YIPF4: variants seen among roughly 807,000 people sequenced by gnomAD.
The protein encoded by YIPF4 is protein YIPF4.
In YIPF4, 18 loss-of-function variants were observed where a neutral mutation model predicts 29.4. That is an observed-to-expected ratio of 0.61 (90% confidence interval 0.42 to 0.91). YIPF4 has a LOEUF of 0.91. Ranked by LOEUF, YIPF4 falls within the 40% of genes least tolerant of loss-of-function variation. YIPF4 has a pLI of 0.00. For synonymous variants in YIPF4, 115 were observed against 104.7 expected (o/e 1.10, Z -0.60); for missense variants, 279 against 282.7 (o/e 0.99, Z 0.09).
At chr2:32,286,906 G>A (rs2030700171) in intron 1 of YIPF4, among the ~76,000 whole-genome samples, 1 of 152,162 alleles carries the variant, frequency 6.6e-6, no homozygotes, top group Non-Finnish European at 1.5e-5. Flanking sequence ...TTATGCACAT[G>A]CATTAGTTTC....
Position 32,278,102 on chromosome 2 carries a change from G to A in YIPF4, c.-54G>A. ...GGGTCGCCGCCGCGGCCGCCTCGGG[G>A]TCTGGGCCCAGCCGCAGCCTCTTCT... On this transcript the variant is annotated 5_prime_UTR_variant, in exon 1 of 6. Transcript: ENST00000238831. The A allele has an allele frequency of 6.6e-7, 1 of 1,506,322 alleles. No individual in the cohort carries two copies. The highest frequency in any genetic ancestry group is 8.9e-7 in the Non-Finnish European group (1 of 1,117,936). The allele number at this position is 1,506,322 out of a possible 1,614,324, so 93.3% of individuals were successfully genotyped here.
chr2:32,294,251 G>A (rs1305394186), intron 3 of YIPF4, among the ~76,000 whole-genome samples: 4 of 151,130 alleles, frequency 2.6e-5, no homozygotes, highest in Non-Finnish European at 5.9e-5. Flanking sequence ...CTGGGCGGAG[G>A]GGCTCCTCAC....
rs538192346 is a variant in YIPF4, at chr2:32,298,204, A to T, written c.406-30A>T. The stretch of plus-strand genomic sequence containing the variant: ...AAATTATCATCTTATTTGGTATAAA[A>T]ATATTAATTGCATGATTTTTCCCCC... On this transcript the variant is annotated intron_variant, in intron 3 of 5. Coordinates refer to ENST00000238831, the MANE Select transcript of YIPF4 (RefSeq NM_032312.4). 1.1e-5 allele frequency: 16 copies of T among 1,505,602 alleles called. No individual in the cohort carries two copies. In the South Asian group the frequency reaches 1.7e-4, roughly 16 times the overall value. The allele number at this position is 1,505,602 out of a possible 1,614,324, so 93.3% of individuals were successfully genotyped here. A position where few individuals can be genotyped will look rare whatever the true frequency, so the allele number is the denominator to read the frequency against.
At position 32,316,335 on chromosome 2, in the gene YIPF4, A is replaced by G. The variant is rs1329497984; in HGVS notation, c.*10709A>G. On this transcript the variant is annotated 3_prime_UTR_variant, in exon 6 of 6. Transcript: ENST00000238831. ...TCAGCAATTCAAGGGGAGGGTAAAA[A>G]GACCAACTAATATATGTAAAGATGC... is the stretch of plus-strand genomic sequence containing the variant. 6.6e-6 allele frequency: 1 copy of G among 152,246 alleles called. No homozygotes were observed. The highest frequency in any genetic ancestry group is 1.5e-5 in the Non-Finnish European group (1 of 68,044). The allele number at this position is 152,246 out of a possible 1,614,324, so 9.4% of individuals were successfully genotyped here. A position where few individuals can be genotyped will look rare whatever the true frequency, so the allele number is the denominator to read the frequency against.
rs1409259646 is a variant in YIPF4, at chr2:32,306,949, T to A, written c.*1323T>A. ...ATATCCAGCACCTCTGAAGCAAACCTACAAATGAGTGTGTTATCAAGCCCA... is the reference window on the plus strand; with the variant it reads ...ATATCCAGCACCTCTGAAGCAAACCAACAAATGAGTGTGTTATCAAGCCCA... On this transcript the variant is annotated 3_prime_UTR_variant, in exon 6 of 6. Transcript: ENST00000238831. The A allele has an allele frequency of 2.5e-6, 1 of 402,050 alleles. No homozygotes were observed. The highest frequency in any genetic ancestry group is 4.6e-5 in the Admixed American group (1 of 21,626). 24.9% of individuals were successfully genotyped at this position (402,050 alleles called of 1,614,324 possible).
intron 2 of YIPF4, chr2:32,291,046 G>C (rs139333143): frequency 0.012 from 1,872 of 152,450 alleles, 24 homozygotes; most frequent in Non-Finnish European, 0.016. Context: ...TGGGAGGAGA[G>C]CTACATATAA....
Position 32,308,766 on chromosome 2 carries a change from G to A in YIPF4, c.*3140G>A, listed in dbSNP as rs112218372. On this transcript the variant is annotated 3_prime_UTR_variant, in exon 6 of 6. Coordinates refer to ENST00000238831, the MANE Select transcript of YIPF4 (RefSeq NM_032312.4). ...CAAAACAAAAAAACAGAACTGGGCC[G>A]GGCGCGGTGGCTCACGCCTGTAATC... is the stretch of plus-strand genomic sequence containing the variant. The A allele has an allele frequency of 5.2e-3, 788 of 152,000 alleles. 5 individuals carry two copies. Among genetic ancestry groups the A allele is most frequent in the African/African-American group, 0.018 (742 of 41,278 alleles). The allele number at this position is 152,000 out of a possible 1,614,324, so 9.4% of individuals were successfully genotyped here.
chr2:32,286,447 A>G (rs1372804061), intron 1 of YIPF4, among the ~76,000 whole-genome samples: 1 of 152,214 alleles, frequency 6.6e-6, no homozygotes, highest in Admixed American at 6.5e-5. Flanking sequence ...CAGTATGAAA[A>G]TTTACCTATA....
Position 32,298,219 on chromosome 2 carries a change from ATTTTT to A in YIPF4, c.406-14_406-10del, listed in dbSNP as rs2031267165. The A allele has an allele frequency of 6.4e-7, 1 of 1,571,330 alleles. No individual in the cohort carries two copies. The highest frequency in any genetic ancestry group is 8.7e-7 in the Non-Finnish European group (1 of 1,149,872). ...TTGGTATAAAAATATTAATTGCATG[ATTTTT>A]CCCCCTAAGGTGGTCTCATGGATTA... On this transcript the variant is annotated splice_polypyrimidine_tract_variant and intron_variant, in intron 3 of 5. Coordinates refer to ENST00000238831, the MANE Select transcript of YIPF4 (RefSeq NM_032312.4).
rs1057340784 is a variant in YIPF4 at position 32,307,952 on chromosome 2, AAAC to A, written c.*2327_*2329del. ...TCAAAAAAAAAAAAAAAAAAAAAAA[AAAC>A]CATGATTTGTAGATGTGTGCAAGAC... On this transcript the variant is annotated 3_prime_UTR_variant, in exon 6 of 6. Coordinates refer to ENST00000238831, the MANE Select transcript of YIPF4 (RefSeq NM_032312.4). 6.7e-5 allele frequency: 10 copies of A among 150,032 alleles called. No homozygotes were observed. The highest frequency in any genetic ancestry group is 2.0e-4 in the African/African-American group (8 of 39,908). The allele number at this position is 150,032 out of a possible 1,614,324, so 9.3% of individuals were successfully genotyped here. A position where few individuals can be genotyped will look rare whatever the true frequency, so the allele number is the denominator to read the frequency against.
intron 4 of YIPF4, 34 bp from the exon 5 acceptor site, chr2:32,301,348 A>C (rs1410355411): frequency 7.4e-7 from 1 of 1,343,182 alleles, no homozygotes; most frequent in South Asian, 1.2e-5. Flanking sequence ...TCTTGATTTC[A>C]ATGATATTTA....
intron 5 of YIPF4, 103 bp downstream of exon 5, chr2:32,301,598 AGTTG>A: frequency 1.4e-6 from 1 of 717,200 alleles, no homozygotes; most frequent in South Asian, 2.4e-5. Flanking sequence ...TTTATCAAAC[AGTTG>A]GTAGTATTTT....
rs1338095312 is a variant in YIPF4 at position 32,293,416 on chromosome 2, C to T, written c.405+1068C>T. Among the ~76,000 whole-genome samples, 4 of 152,324 alleles carry T rather than the reference C, an allele frequency of 2.6e-5. No homozygotes were observed. The East Asian group carries it at 5.8e-4, about 22-fold the overall frequency. ...GAGCACAGGTTTGGGGGTAAGGTCC[C>T]AGATCAACAGGATCCCAAGGCAGAA... On this transcript the variant is annotated intron_variant, in intron 3 of 5. Transcript: ENST00000238831.
intron 1 of YIPF4, among the ~76,000 whole-genome samples, chr2:32,284,818 A>G (rs980191481): frequency 2.0e-5 from 3 of 152,198 alleles, no homozygotes; most frequent in African/African-American, 7.2e-5. Flanking sequence ...AGGTTCATTC[A>G]GAGAAATGAG....
In YIPF4 at chr2:32,312,519, A is replaced by T. The variant is rs915392829; in HGVS notation, c.*6893A>T. 2 of 142,862 alleles carry T rather than the reference A, an allele frequency of 1.4e-5. No homozygotes were observed. Among genetic ancestry groups the T allele is most frequent in the East Asian group, 2.0e-4 (1 of 4,932 alleles). 8.8% of individuals were successfully genotyped at this position (142,862 alleles called of 1,614,324 possible). A position where few individuals can be genotyped will look rare whatever the true frequency, so the allele number is the denominator to read the frequency against. On this transcript the variant is annotated 3_prime_UTR_variant, in exon 6 of 6. Coordinates refer to ENST00000238831, the MANE Select transcript of YIPF4 (RefSeq NM_032312.4). ...AAAAAAAAAAAAAAAAAAAAAAAAA[A>T]TTATTTTCAAAGGATTGTGCTAGTG...
intron 1 of YIPF4, among the ~76,000 whole-genome samples, chr2:32,280,730 C>G (rs2030370176): frequency 6.6e-6 from 1 of 151,842 alleles, no homozygotes; most frequent in Non-Finnish European, 1.5e-5. Context: ...AGGCTTGTCT[C>G]AGATTCTTGG....
intron 3 of YIPF4, among the ~76,000 whole-genome samples, chr2:32,297,664 CATAA>C (rs1228719278): frequency 2.0e-5 from 3 of 151,836 alleles, no homozygotes; most frequent in Non-Finnish European, 4.4e-5. Flanking sequence ...TAAATAAATA[CATAA>C]ATAAAATAAT....
In YIPF4 at chr2:32,293,006, A is replaced by G. The variant is rs1440479780; in HGVS notation, c.405+658A>G. Reference sequence around the variant, plus strand: ...AGAGATGAACAGTTTGAAATGTAATACTCATATTCATATTTCTTACCTTTT... The same window carrying G: ...AGAGATGAACAGTTTGAAATGTAATGCTCATATTCATATTTCTTACCTTTT... On this transcript the variant is annotated intron_variant, in intron 3 of 5. Transcript: ENST00000238831. Among the ~76,000 whole-genome samples the G allele has an allele frequency of 4.0e-5, 6 of 150,386 alleles. No homozygotes were observed. The East Asian group carries it at 1.2e-3, about 29-fold the overall frequency.
intron 4 of YIPF4, among the ~76,000 whole-genome samples, chr2:32,300,561 T>C (rs2031370236): frequency 6.6e-6 from 1 of 152,054 alleles, no homozygotes; most frequent in Admixed American, 6.6e-5. Flanking sequence ...TAGAGTAACA[T>C]CTGTGAAACC....
Sources: gnomAD v4.1 joint callset for allele counts (sites outside exome capture counted in the v4.1 genomes callset) on GRCh38, gnomAD v4.1.1 for gene constraint, MANE v1.5 for transcripts, NCBI Gene and HGNC (gene_info 2026-07-23, HGNC 2026-07-21) for gene names.